Variants in TANC2 observed in about 807,000 individuals in gnomAD.
TANC2 encodes tetratricopeptide repeat, ankyrin repeat and coiled-coil containing 2.
In TANC2, 26 loss-of-function variants were observed where a neutral mutation model predicts 210.5. The ratio of observed to expected loss-of-function variants is 0.12; its 90% CI spans 0.09 to 0.17. The LOEUF (loss-of-function observed/expected upper bound fraction) is 0.17. Among genes scored for constraint, TANC2 ranks in the 10% least tolerant of loss-of-function variants. The pLI is 1.00. For missense variants in TANC2, 2,129 were observed against 2,608.9 expected (o/e 0.82, Z 4.01); for synonymous variants, 931 against 967.1 (o/e 0.96, Z 0.69).
At chr17:63,179,360 C>G (rs1428625373) in intron 5 of TANC2, among the ~76,000 whole-genome samples, 2 of 152,176 alleles carry the variant, frequency 1.3e-5, no homozygotes, top group African/African-American at 2.4e-5. Flanking sequence ...AATATTGTCT[C>G]TGTTACTTAA....
intron 9 of TANC2, among the ~76,000 whole-genome samples, chr17:63,282,806 A>C (rs1016765690): frequency 6.6e-6 from 1 of 151,866 alleles, no homozygotes; most frequent in African/African-American, 2.4e-5. Flanking sequence ...CTGTGCGCCT[A>C]TTTGCTATCT....
At chr17:63,401,177 C>G (rs1431030690) in intron 19 of TANC2, among the ~76,000 whole-genome samples, 1 of 152,120 alleles carries the variant, frequency 6.6e-6, no homozygotes, top group African/African-American at 2.4e-5. Flanking sequence ...ATGATGCTTC[C>G]TCCCATGACA....
chr17:63,369,023 G>A (rs1316655094), intron 14 of TANC2, among the ~76,000 whole-genome samples: 2 of 152,126 alleles, frequency 1.3e-5, no homozygotes, highest in Non-Finnish European at 2.9e-5. Flanking sequence ...TAGGGCTCAG[G>A]AGCTACAGAA....
chr17:63,185,691 C>G (rs1297421176), intron 5 of TANC2, among the ~76,000 whole-genome samples: 2 of 152,108 alleles, frequency 1.3e-5, no homozygotes, highest in Non-Finnish European at 2.9e-5. Context: ...TTTTGTGTGC[C>G]ATTCTGCACT....
rs185299293 is a variant in TANC2, at chr17:63,010,893, A to T, written c.67+1267A>T. Among the ~76,000 whole-genome samples, 6 of 152,244 alleles carry T rather than the reference A, an allele frequency of 3.9e-5. No homozygotes were observed. In the East Asian group the frequency reaches 1.2e-3, roughly 29 times the overall value. ...GTATGCCGCCTTCTCAACATCTTCCATGTGCTCATCAACCCAGAATCCCAT... is the reference window on the plus strand; with the variant it reads ...GTATGCCGCCTTCTCAACATCTTCCTTGTGCTCATCAACCCAGAATCCCAT... On this transcript the variant is annotated intron_variant, in intron 2 of 27. Transcript: ENST00000689528.
intron 9 of TANC2, among the ~76,000 whole-genome samples, chr17:63,287,249 A>C (rs553212010): frequency 1.3e-5 from 2 of 152,196 alleles, no homozygotes; most frequent in East Asian, 3.9e-4. Flanking sequence ...CAGATGTTCT[A>C]ATTTTATATC....
chr17:63,100,753 T>G (rs1335812783), intron 4 of TANC2, among the ~76,000 whole-genome samples: 1 of 152,152 alleles, frequency 6.6e-6, no homozygotes, highest in Admixed American at 6.5e-5. Context: ...CCTATCCCAT[T>G]TGCCTATCTT....
chr17:63,357,592 T>G (rs1318208098), intron 14 of TANC2, among the ~76,000 whole-genome samples: 1 of 152,212 alleles, frequency 6.6e-6, no homozygotes. Context: ...TTTCTTAGAT[T>G]TCATTTCAGT....
intron 26 of TANC2, among the ~76,000 whole-genome samples, chr17:63,417,434 C>A (rs1462657503): frequency 6.6e-6 from 1 of 152,094 alleles, no homozygotes; most frequent in African/African-American, 2.4e-5. Flanking sequence ...ACCCCACCCC[C>A]CAGTCTCTGT....
chr17:63,134,749 A>C (rs1399776011), intron 4 of TANC2, among the ~76,000 whole-genome samples: 1 of 152,220 alleles, frequency 6.6e-6, no homozygotes, highest in Non-Finnish European at 1.5e-5. Context: ...GCTGTGTAGC[A>C]CAAGTCTTGC....
At chr17:63,320,007 T>C (rs2045444761) in intron 11 of TANC2, among the ~76,000 whole-genome samples, 1 of 152,202 alleles carries the variant, frequency 6.6e-6, no homozygotes, top group African/African-American at 2.4e-5. Context: ...ATGATGGGAA[T>C]TATAGTTGTT....
chr17:63,200,785 C>T (rs1226279456), exon 7 of TANC2: 1 of 1,612,686 alleles, frequency 6.2e-7, no homozygotes, highest in East Asian at 2.2e-5. Flanking sequence ...CAGCAATCAC[C>T]CAGCGGATAA....
chr17:63,123,866 TG>T (rs2038594465), intron 4 of TANC2, among the ~76,000 whole-genome samples: 1 of 150,982 alleles, frequency 6.6e-6, no homozygotes, highest in African/African-American at 2.4e-5. Flanking sequence ...CACGCCCAGC[TG>T]ATTTTTTTTA....
At chr17:63,353,124 A>G (rs2046669241) in intron 13 of TANC2, among the ~76,000 whole-genome samples, 1 of 152,168 alleles carries the variant, frequency 6.6e-6, no homozygotes, top group African/African-American at 2.4e-5. Context: ...AATAAAATGT[A>G]AGGGATAAAG....
chr17:63,258,991 A>G (rs149775427), intron 8 of TANC2, among the ~76,000 whole-genome samples: 1,970 of 152,234 alleles, frequency 0.013, 34 homozygotes, highest in Non-Finnish European at 0.02. Flanking sequence ...GTGCTGTGTG[A>G]GTACTGCTGA....
At chr17:63,372,626 C>T (rs1341096056) in intron 14 of TANC2, among the ~76,000 whole-genome samples, 1 of 152,086 alleles carries the variant, frequency 6.6e-6, no homozygotes, top group Non-Finnish European at 1.5e-5. Context: ...TGTTACTATC[C>T]CTGTCTCACA....
exon 17 of TANC2, chr17:63,389,369 A>G (rs777491096): frequency 1.9e-6 from 3 of 1,614,008 alleles, no homozygotes; most frequent in Non-Finnish European, 2.5e-6. Flanking sequence ...GTTTTAAATA[A>G]TGCTCCAATT....
chr17:63,238,232 A>T (rs892685140), intron 8 of TANC2, among the ~76,000 whole-genome samples, 155 bp downstream of exon 8: 1 of 152,084 alleles, frequency 6.6e-6, no homozygotes, highest in Non-Finnish European at 1.5e-5. Context: ...GGTAATATAC[A>T]TGTATATATT....
intron 6 of TANC2, chr17:63,197,664 G>A (rs2041389267): frequency 6.6e-6 from 1 of 152,156 alleles, no homozygotes; most frequent in South Asian, 2.1e-4. Context: ...GTATTCAAAT[G>A]GACCTTATGA....
Sources: allele counts gnomAD v4.1 joint callset (sites outside exome capture counted in the v4.1 genomes callset), GRCh38; gene constraint gnomAD v4.1.1; transcripts MANE v1.5; gene names NCBI Gene and HGNC (gene_info 2026-07-23, HGNC 2026-07-21).